The following ANGPT1 variants were observed in gnomAD, a reference collection of about 807,000 sequenced individuals.
ANGPT1 encodes angiopoietin 1, also known as angiopoietin-1.
Under a neutral mutation model 62.2 loss-of-function variants are expected in ANGPT1, and 17 were observed. That is an observed-to-expected ratio of 0.27 (90% CI 0.19 to 0.41). The LOEUF (loss-of-function observed/expected upper bound fraction) is 0.41. Among genes scored for constraint, ANGPT1 ranks in the 10% least tolerant of loss-of-function variants. The pLI is 1.00. For missense variants in ANGPT1, 478 were observed against 594.9 expected (o/e 0.80, Z 2.04); for synonymous variants, 199 against 198.9 (o/e 1.00, Z 0.00).
intron 1 of ANGPT1, among the ~76,000 whole-genome samples, chr8:107,467,826 G>A (rs1446679015): frequency 1.3e-5 from 2 of 152,092 alleles, no homozygotes; most frequent in African/African-American, 2.4e-5. Context: ...TGATATAATA[G>A]CAAGCCATTG....
chr8:107,351,660 G>A (rs1301149267), intron 1 of ANGPT1, among the ~76,000 whole-genome samples: 2 of 151,930 alleles, frequency 1.3e-5, no homozygotes, highest in Non-Finnish European at 2.9e-5. Context: ...TCACTATAGT[G>A]GAGACCAAGT....
intron 5 of ANGPT1, among the ~76,000 whole-genome samples, chr8:107,295,713 A>G (rs1468939457): frequency 6.6e-6 from 1 of 152,170 alleles, no homozygotes; most frequent in Non-Finnish European, 1.5e-5. Context: ...GTAGTTTTGG[A>G]CACCTTAGCC....
intron 1 of ANGPT1, among the ~76,000 whole-genome samples, chr8:107,370,195 A>AAAGAAAG (rs1554586919): frequency 1.6e-3 from 145 of 93,326 alleles, no homozygotes; most frequent in Middle Eastern, 6.2e-3. Context: ...AAGAAAGAAA[A>AAAGAAAG]AAAGAAAGAA....
chr8:107,367,217 T>C (rs1816292916), intron 1 of ANGPT1, among the ~76,000 whole-genome samples: 1 of 152,224 alleles, frequency 6.6e-6, no homozygotes, highest in South Asian at 2.1e-4. Flanking sequence ...ATACAATCTT[T>C]TTGGTTTCTC....
intron 5 of ANGPT1, chr8:107,295,502 T>G (rs1198003443): frequency 1.3e-5 from 2 of 152,138 alleles, no homozygotes; most frequent in African/African-American, 2.4e-5. Context: ...AAATAAAATA[T>G]GGGTCAGGTA....
Position 107,251,738 on chromosome 8 carries a change from A to T in ANGPT1, c.*117T>A. The T allele has an allele frequency of 1.6e-6, 2 of 1,285,954 alleles. No homozygotes were observed. The highest frequency in any genetic ancestry group is 2.3e-4 in the Middle Eastern group (1 of 4,438). 79.7% of individuals were successfully genotyped at this position (1,285,954 alleles called of 1,614,324 possible). On this transcript the variant is annotated 3_prime_UTR_variant, in exon 9 of 9. Coordinates refer to ENST00000517746, the MANE Select transcript of ANGPT1 (RefSeq NM_001146.5). ...ACCTTGGTGACTTCACATAACTACC[A>T]CTTATTGCTGGAAGGGAGACAATAT...
intron 3 of ANGPT1, among the ~76,000 whole-genome samples, chr8:107,324,582 C>T (rs1802744543): frequency 6.6e-6 from 1 of 152,092 alleles, no homozygotes; most frequent in Admixed American, 6.5e-5. Flanking sequence ...TCAGAGAATA[C>T]ATTTCCATTG....
intron 1 of ANGPT1, among the ~76,000 whole-genome samples, chr8:107,358,081 G>A (rs1256576998): frequency 6.6e-6 from 1 of 152,110 alleles, no homozygotes; most frequent in Non-Finnish European, 1.5e-5. Flanking sequence ...AATGATAAAA[G>A]TGTGTGCATA....
intron 1 of ANGPT1, among the ~76,000 whole-genome samples, chr8:107,360,888 A>G (rs1816147880): frequency 6.6e-6 from 1 of 152,230 alleles, no homozygotes; most frequent in African/African-American, 2.4e-5. Flanking sequence ...AGGACTTTGT[A>G]AGCCCAGCAT....
At chr8:107,437,028 A>G (rs569085125) in intron 1 of ANGPT1, among the ~76,000 whole-genome samples, 2 of 152,322 alleles carry the variant, frequency 1.3e-5, no homozygotes, top group East Asian at 3.9e-4. Context: ...AAAGTCATCT[A>G]CCAATATAGT....
intron 3 of ANGPT1, chr8:107,322,718 C>A (rs1182742548): frequency 6.2e-6 from 2 of 323,772 alleles, no homozygotes; most frequent in Non-Finnish European, 1.2e-5. Flanking sequence ...AAAAAAATCT[C>A]TTATTTTGAA....
intron 1 of ANGPT1, among the ~76,000 whole-genome samples, chr8:107,392,932 T>C (rs1816863077): frequency 6.6e-6 from 1 of 152,202 alleles, no homozygotes; most frequent in South Asian, 2.1e-4. Flanking sequence ...TCTCTCTGTT[T>C]CATTCCATGG....
intron 4 of ANGPT1, among the ~76,000 whole-genome samples, chr8:107,317,580 T>G (rs1815044988): frequency 6.6e-6 from 1 of 152,072 alleles, no homozygotes; most frequent in African/African-American, 2.4e-5. Context: ...CAACATGAGA[T>G]GACATTTTAA....
intron 4 of ANGPT1, among the ~76,000 whole-genome samples, chr8:107,311,348 A>G (rs1814858821): frequency 6.6e-6 from 1 of 152,164 alleles, no homozygotes; most frequent in African/African-American, 2.4e-5. Context: ...AAAAAAAGCC[A>G]TAATTTTATT....
rs1418637972 is a variant in ANGPT1, at chr8:107,369,834, T to C, written c.298-22737A>G. Among the ~76,000 whole-genome samples, 5 of 152,008 alleles carry C rather than the reference T, an allele frequency of 3.3e-5. No individual in the cohort carries two copies. In the South Asian group the frequency reaches 6.2e-4, roughly 19 times the overall value. On this transcript the variant is annotated intron_variant, in intron 1 of 8. Transcript: ENST00000517746. ...TCATGGCACTCCAAAACGGTTACAA[T>C]AGCAATCTCAATGATCTCAAAGATC... is the stretch of plus-strand genomic sequence containing the variant.
intron 1 of ANGPT1, among the ~76,000 whole-genome samples, chr8:107,380,450 C>T (rs1268526574): frequency 6.6e-6 from 1 of 151,168 alleles, no homozygotes; most frequent in Non-Finnish European, 1.5e-5. Context: ...TGACAAAATA[C>T]ATATACTATG....
At chr8:107,377,296 T>C (rs1228366082) in intron 1 of ANGPT1, among the ~76,000 whole-genome samples, 2 of 152,216 alleles carry the variant, frequency 1.3e-5, no homozygotes, top group Admixed American at 1.3e-4. Context: ...TGGACATTTT[T>C]TGGTGCTTTG....
intron 1 of ANGPT1, among the ~76,000 whole-genome samples, chr8:107,442,420 T>G (rs1811505822): frequency 6.6e-6 from 1 of 152,200 alleles, no homozygotes; most frequent in South Asian, 2.1e-4. Flanking sequence ...GCTTCCTATT[T>G]TAATCTATTT....
chr8:107,351,478 T>C (rs769428293), intron 1 of ANGPT1, among the ~76,000 whole-genome samples: 1 of 152,048 alleles, frequency 6.6e-6, no homozygotes, highest in South Asian at 2.1e-4. Flanking sequence ...AGTGTTCTGT[T>C]ATTGGACTGG....
Sources: allele counts gnomAD v4.1 joint callset (sites outside exome capture counted in the v4.1 genomes callset), GRCh38; gene constraint gnomAD v4.1.1; transcripts MANE v1.5; gene names NCBI Gene and HGNC (gene_info 2026-07-23, HGNC 2026-07-21).